The following CELF2 variants were observed in gnomAD, a reference collection of about 807,000 sequenced individuals.
CELF2 encodes the protein CUG triplet repeat RNA-binding protein 2.
In CELF2, 8 loss-of-function variants were observed where a neutral mutation model predicts 62.6. The observed-to-expected ratio is 0.13, with a 90% CI of 0.07 to 0.23. The LOEUF is 0.23. CELF2 is among the 10% of genes least tolerant of loss of function. The probability of loss-of-function intolerance (pLI) is 1.00; values close to 1 mark genes in which losing one functional copy is unlikely to be tolerated. For synonymous variants in CELF2, 258 were observed against 250.0 expected (o/e 1.03, Z -0.30); for missense variants, 333 against 671.0 (o/e 0.50, Z 5.56).
At chr10:10,658,992 A>C in the CELF2 span, among the ~76,000 whole-genome samples, 10 of 152,330 alleles carry the variant, frequency 6.6e-5, no homozygotes, top group African/African-American at 2.2e-4. Flanking sequence ...ACAGATCTGC[A>C]TAACTGGGGT....
the CELF2 span, among the ~76,000 whole-genome samples, chr10:10,477,755 T>C: frequency 6.8e-6 from 1 of 147,536 alleles, no homozygotes; most frequent in Admixed American, 6.8e-5. Context: ...AAAAACTATA[T>C]GTGGCCTGCA....
At chr10:10,902,116 A>G (rs2062979371) in intron 1 of CELF2, among the ~76,000 whole-genome samples, 1 of 152,238 alleles carries the variant, frequency 6.6e-6, no homozygotes, top group Non-Finnish European at 1.5e-5. Flanking sequence ...ATATACTCTC[A>G]GACACTGCTG....
the CELF2 span, among the ~76,000 whole-genome samples, chr10:10,731,663 A>T: frequency 2.6e-5 from 4 of 152,240 alleles, no homozygotes; most frequent in Non-Finnish European, 4.4e-5. Flanking sequence ...CTAGAAAGAA[A>T]ATCATTTTGA....
chr10:10,647,882 C>T, the CELF2 span, among the ~76,000 whole-genome samples: 1 of 152,176 alleles, frequency 6.6e-6, no homozygotes, highest in Non-Finnish European at 1.5e-5. Context: ...TAACTGAATC[C>T]TGGGCACTGC....
At chr10:10,521,336 AAG>A in the CELF2 span, among the ~76,000 whole-genome samples, 5 of 152,180 alleles carry the variant, frequency 3.3e-5, no homozygotes, top group African/African-American at 7.2e-5. Flanking sequence ...CACTTGACCA[AAG>A]AGGGCAGAAT....
chr10:10,788,756 C>T, the CELF2 span, among the ~76,000 whole-genome samples: 9 of 152,142 alleles, frequency 5.9e-5, no homozygotes, highest in Non-Finnish European at 8.8e-5. Flanking sequence ...AGCCACCCTG[C>T]CCAGCCTCTT....
chr10:11,140,490 C>T (rs1564907874), intron 1 of CELF2, among the ~76,000 whole-genome samples: 1 of 152,082 alleles, frequency 6.6e-6, no homozygotes, highest in Non-Finnish European at 1.5e-5. Flanking sequence ...AGTCACCCGT[C>T]CATCCACCTT....
rs2074312450 is a variant in CELF2 at position 11,242,644 on chromosome 10, T to G, written c.355-6509T>G. On this transcript the variant is annotated intron_variant, in intron 3 of 12. Coordinates refer to ENST00000633077, the MANE Select transcript of CELF2 (RefSeq NM_001326342.2). This position sits in a 1 kb window ranked among gnomAD's most constrained non-coding sequence, Gnocchi z 4.8. ...AAATGGCTTTGCTCCAAAGTCGTAC[T>G]CTCATTTTCATTTTCATGAGTCACA... Among the ~76,000 whole-genome samples, 1 of 152,218 alleles carries G rather than the reference T, an allele frequency of 6.6e-6. No homozygotes were observed.
intron 7 of CELF2, among the ~76,000 whole-genome samples, chr10:11,273,668 G>A (rs1034679580): frequency 5.3e-5 from 8 of 152,064 alleles, no homozygotes; most frequent in African/African-American, 1.4e-4. Context: ...CCAGAGGAAC[G>A]GTGTTCTGGA....
chr10:10,981,361 G>A lies in CELF2; in HGVS notation c.89+61362G>A, dbSNP rs575149608. On this transcript the variant is annotated intron_variant, in intron 2 of 13. Transcript: ENST00000636488. ...CACTTAGTGAGACCCTATTGATGCT[G>A]CATTTTGAGGGCACTAAAAACTAAT... Among the ~76,000 whole-genome samples the A allele has an allele frequency of 2.0e-5, 3 of 152,308 alleles. No individual in the cohort carries two copies. The South Asian group carries it at 6.2e-4, about 32-fold the overall frequency.
the CELF2 span, among the ~76,000 whole-genome samples, chr10:10,608,352 G>A: frequency 2.0e-5 from 3 of 152,112 alleles, no homozygotes; most frequent in Admixed American, 2.0e-4. Context: ...ATTAATACTG[G>A]CCTGGGGACT....
At position 11,190,775 on chromosome 10, in the gene CELF2, TAAAAAAAAA is replaced by T. The variant is rs11301213; in HGVS notation, c.271+25113_271+25121del. Among the ~76,000 whole-genome samples the T allele has an allele frequency of 1.2e-3, 65 of 53,986 alleles. 1 individual carries two copies. Among genetic ancestry groups the T allele is most frequent in the South Asian group, 9.2e-3 (11 of 1,200 alleles). The allele number at this position is 53,986 out of a possible 152,430, so 35.4% of individuals were successfully genotyped here. On this transcript the variant is annotated intron_variant, in intron 2 of 12. Transcript: ENST00000633077. ...GGCTGGGTTTTGTATCTCTTTTCTT[TAAAAAAAAA>T]AAAAAAAAAAAAAAAAAAAGCCATT...
chr10:11,228,332 T>G (rs561306030), intron 3 of CELF2, among the ~76,000 whole-genome samples: 31 of 152,290 alleles, frequency 2.0e-4, no homozygotes, highest in Middle Eastern at 3.4e-3. Flanking sequence ...TGATCTCACA[T>G]AAAAAACAAA....
chr10:11,335,824 G>C lies in CELF2; in HGVS notation c.*6771G>C, dbSNP rs571006559. 6.6e-6 allele frequency: 1 copy of C among 152,258 alleles called. No individual in the cohort carries two copies. Among genetic ancestry groups the C allele is most frequent in the African/African-American group, 2.4e-5 (1 of 41,534 alleles). The allele number at this position is 152,258 out of a possible 1,614,324, so 9.4% of individuals were successfully genotyped here. On this transcript the variant is annotated 3_prime_UTR_variant, in exon 13 of 13. Coordinates refer to ENST00000633077, the MANE Select transcript of CELF2 (RefSeq NM_001326342.2). This position sits in a 1 kb window ranked among gnomAD's most constrained non-coding sequence, Gnocchi z 5.0. The stretch of plus-strand genomic sequence containing the variant: ...ACATAGTTCCACCATTTTGGCACAA[G>C]ACAAAATACTCATGCTAAGCAAAGG...
the CELF2 span, among the ~76,000 whole-genome samples, chr10:10,467,193 T>G: frequency 2.6e-5 from 4 of 152,062 alleles, no homozygotes; most frequent in African/African-American, 9.7e-5. Context: ...CCTAAGTGCT[T>G]CTCTATAAAT....
rs1392231044 is a variant in CELF2 at position 11,329,364 on chromosome 10, T to C, written c.*311T>C. 5.7e-6 allele frequency: 1 copy of C among 174,284 alleles called. No individual in the cohort carries two copies. The highest frequency in any genetic ancestry group is 2.4e-5 in the African/African-American group (1 of 42,318). The allele number at this position is 174,284 out of a possible 1,614,324, so 10.8% of individuals were successfully genotyped here. ...AATTTTTTTCATTTTTGCTTTTTTT[T>C]AAAGAGAAGCATATACACAAATAAA... On this transcript the variant is annotated 3_prime_UTR_variant, in exon 13 of 13. Transcript: ENST00000633077. The surrounding 1 kb of genome is among the most constrained non-coding windows in gnomAD (Gnocchi z 5.5).
chr10:11,317,080 G>A (rs1236858360), intron 10 of CELF2: 2 of 152,018 alleles, frequency 1.3e-5, no homozygotes, highest in African/African-American at 4.8e-5. Context: ...ATGTGTTTCA[G>A]TGTATGTCAA....
intron 1 of CELF2, among the ~76,000 whole-genome samples, chr10:11,042,483 A>T (rs193199479): frequency 6.6e-6 from 1 of 152,312 alleles, no homozygotes; most frequent in Non-Finnish European, 1.5e-5. Flanking sequence ...GTAAGACTTT[A>T]ACCTGGTGTG....
the CELF2 span, among the ~76,000 whole-genome samples, chr10:10,504,019 C>G: frequency 1.1e-3 from 169 of 152,078 alleles, no homozygotes; most frequent in African/African-American, 3.9e-3. Flanking sequence ...CCTCTATGTC[C>G]TCTTACAACA....
Sources: gnomAD v4.1 joint callset for allele counts (sites outside exome capture counted in the v4.1 genomes callset) on GRCh38, gnomAD v4.1.1 for gene constraint, Gnocchi (gnomAD v3.1) non-coding constraint, MANE v1.5 for transcripts, NCBI Gene and HGNC (gene_info 2026-07-23, HGNC 2026-07-21) for gene names.